The following CSMD3 variants were observed in gnomAD, a reference collection of about 807,000 sequenced individuals.
CSMD3 encodes the protein CUB and sushi domain-containing protein 3.
Under a neutral mutation model 435.2 loss-of-function variants are expected in CSMD3, and 177 were observed. The ratio of observed to expected loss-of-function variants is 0.41; its 90% CI spans 0.36 to 0.46. CSMD3 has a LOEUF of 0.46. CSMD3 is among the 20% of genes least tolerant of loss of function. The probability of loss-of-function intolerance (pLI) is 0.34; values close to 1 mark genes in which losing one functional copy is unlikely to be tolerated. For missense variants in CSMD3, 4,265 were observed against 4,504.6 expected, an observed-to-expected ratio of 0.95 and a Z score of 1.52; for synonymous variants, 1,656 against 1,520.5, an observed-to-expected ratio of 1.09 and a Z score of -2.07.
chr8:113,004,195 T>C (rs1239218716), intron 6 of CSMD3, among the ~76,000 whole-genome samples: 1 of 151,966 alleles, frequency 6.6e-6, no homozygotes, highest in African/African-American at 2.4e-5. Flanking sequence ...ACTACAATCC[T>C]CTTGTAGGAA....
At position 112,412,176 on chromosome 8, in the gene CSMD3, A is replaced by G. The variant is rs541565652; in HGVS notation, c.5396-3144T>C. ...ATTATTTAACTGGGAGTTAAATAAA[A>G]TTTTTGATTTAAATATCCTTTATAT... On this transcript the variant is annotated intron_variant, in intron 32 of 70. Transcript: ENST00000297405. Among the ~76,000 whole-genome samples the G allele has an allele frequency of 2.6e-5, 4 of 152,196 alleles. No individual in the cohort carries two copies. The East Asian group carries it at 7.7e-4, about 29-fold the overall frequency.
At position 112,312,396 on chromosome 8, in the gene CSMD3, A is replaced by T. The variant is rs868316353; in HGVS notation, c.7697-1230T>A. Among the ~76,000 whole-genome samples the T allele has an allele frequency of 4.6e-5, 7 of 152,162 alleles. No homozygotes were observed. In the South Asian group the frequency reaches 1.4e-3, roughly 32 times the overall value. ...CAGCCTCCCGAGTAGGTAGGATTAC[A>T]GGTGCCCACCACCATGCCCAGCTAA... On this transcript the variant is annotated intron_variant, in intron 49 of 70. Transcript: ENST00000297405.
At chr8:112,742,494 T>A (rs2077335076) in intron 13 of CSMD3, among the ~76,000 whole-genome samples, 1 of 151,998 alleles carries the variant, frequency 6.6e-6, no homozygotes, top group Non-Finnish European at 1.5e-5. Flanking sequence ...GTGCGATCTG[T>A]ACAATGTGTT....
intron 10 of CSMD3, among the ~76,000 whole-genome samples, chr8:112,881,023 G>C (rs1345654511): frequency 6.6e-6 from 1 of 151,862 alleles, no homozygotes; most frequent in Non-Finnish European, 1.5e-5. Flanking sequence ...TAAATGCAGA[G>C]ACATTTATTC....
intron 3 of CSMD3, among the ~76,000 whole-genome samples, chr8:113,226,479 A>G (rs762720193): frequency 1.1e-4 from 16 of 151,608 alleles, no homozygotes; most frequent in Non-Finnish European, 2.2e-4. Context: ...TATGTCTGAA[A>G]AAGCAGATGT....
chr8:112,402,344 T>C (rs1169882584), intron 35 of CSMD3, among the ~76,000 whole-genome samples: 1 of 152,196 alleles, frequency 6.6e-6, no homozygotes, highest in Non-Finnish European at 1.5e-5. Context: ...TTTACAACCT[T>C]TCACGTTAAT....
At chr8:112,801,357 AAAAC>A (rs1210108167) in intron 12 of CSMD3, among the ~76,000 whole-genome samples, 1 of 152,194 alleles carries the variant, frequency 6.6e-6, no homozygotes, top group African/African-American at 2.4e-5. Flanking sequence ...GTCAACTATT[AAAAC>A]AAACCTCATT....
chr8:112,288,816 ACT>A (rs1166594143), intron 57 of CSMD3, among the ~76,000 whole-genome samples: 1 of 152,096 alleles, frequency 6.6e-6, no homozygotes, highest in African/African-American at 2.4e-5. Flanking sequence ...TGCAAAGATA[ACT>A]CTAAGCAATA....
At chr8:112,942,581 G>A (rs1053030558) in intron 9 of CSMD3, among the ~76,000 whole-genome samples, 2 of 151,664 alleles carry the variant, frequency 1.3e-5, no homozygotes, top group African/African-American at 4.8e-5. Flanking sequence ...GAAGCTGGAG[G>A]CGATGGTCCT....
chr8:113,249,387 T>G (rs2093312809), intron 3 of CSMD3, among the ~76,000 whole-genome samples: 1 of 152,098 alleles, frequency 6.6e-6, no homozygotes, highest in South Asian at 2.1e-4. Flanking sequence ...GAGACCCACG[T>G]TCTTCCAGAA....
At chr8:112,650,129 C>G (rs929053313) in intron 19 of CSMD3, 32 bp downstream of exon 19, 11 of 1,440,762 alleles carry the variant, frequency 7.6e-6, no homozygotes, top group African/African-American at 1.4e-5. Context: ...GTTTATAAAT[C>G]AGCATATTTT....
chr8:112,255,481 C>T (rs1034007878), intron 61 of CSMD3, 54 bp from the exon 62 acceptor site: 17 of 1,477,242 alleles, frequency 1.2e-5, no homozygotes, highest in Admixed American at 1.7e-5. Flanking sequence ...CAGCAGAGTA[C>T]ACAGTTTGGA....
chr8:113,053,883 C>T (rs565542204), intron 5 of CSMD3, among the ~76,000 whole-genome samples: 9 of 152,218 alleles, frequency 5.9e-5, no homozygotes, highest in Non-Finnish European at 7.4e-5. Context: ...TAGAATCCCA[C>T]GGCCTTAAAT....
chr8:112,774,585 T>C (rs1356779297), intron 13 of CSMD3, among the ~76,000 whole-genome samples: 1 of 152,044 alleles, frequency 6.6e-6, no homozygotes, highest in Non-Finnish European at 1.5e-5. Flanking sequence ...TGTAATGTCA[T>C]AGCAGCTGTT....
At chr8:112,536,787 A>T (rs1256310074) in intron 27 of CSMD3, among the ~76,000 whole-genome samples, 6 of 151,474 alleles carry the variant, frequency 4.0e-5, no homozygotes, top group Non-Finnish European at 8.8e-5. Flanking sequence ...CATCAATGAT[A>T]GACTGGATTA....
intron 37 of CSMD3, among the ~76,000 whole-genome samples, chr8:112,382,616 TTAAC>T (rs1297286598): frequency 6.6e-6 from 1 of 152,182 alleles, no homozygotes; most frequent in Admixed American, 6.6e-5. Context: ...TAGTAAAAAA[TTAAC>T]AAAGTAAAAC....
chr8:113,122,406 C>T (rs2091010452), intron 4 of CSMD3, among the ~76,000 whole-genome samples: 1 of 151,986 alleles, frequency 6.6e-6, no homozygotes. Context: ...CCCTGGGAAC[C>T]TATGAATATG....
intron 13 of CSMD3, among the ~76,000 whole-genome samples, chr8:112,729,566 T>C (rs2077033838): frequency 6.6e-6 from 1 of 152,144 alleles, no homozygotes. Context: ...AAAAATGATC[T>C]TTGCAGATGT....
At chr8:112,321,078 T>C (rs16883413) in intron 45 of CSMD3, among the ~76,000 whole-genome samples, 5,274 of 152,214 alleles carry the variant, frequency 0.035, 308 homozygotes, top group African/African-American at 0.12. Flanking sequence ...AAGTCTTTTT[T>C]TTTCCCTTAA....
Sources: allele counts gnomAD v4.1 joint callset (sites outside exome capture counted in the v4.1 genomes callset), GRCh38; gene constraint gnomAD v4.1.1; transcripts MANE v1.5; gene names NCBI Gene and HGNC (gene_info 2026-07-23, HGNC 2026-07-21).